Variants in COX10 observed in about 807,000 individuals in gnomAD.
COX10 encodes cytochrome c oxidase assembly factor heme A:farnesyltransferase COX10.
In COX10, 27 loss-of-function variants were observed where a neutral mutation model predicts 37.3. The observed-to-expected ratio is 0.72, with a 90% confidence interval of 0.53 to 1.00. COX10 has a LOEUF of 1.00. COX10 is among the 50% of genes least tolerant of loss of function. The pLI, the probability that COX10 is intolerant of heterozygous loss-of-function variation, is 0.00. For synonymous variants in COX10, 222 were observed against 229.1 expected, an observed-to-expected ratio of 0.97 and a Z score of 0.28; for missense variants, 475 against 563.2, an observed-to-expected ratio of 0.84 and a Z score of 1.59.
chr17:14,087,759 T>G (rs1237908327), intron 3 of COX10, among the ~76,000 whole-genome samples: 2 of 151,828 alleles, frequency 1.3e-5, no homozygotes, highest in African/African-American at 4.8e-5. Context: ...TGGTTTTTAG[T>G]GTCGTCTGCT....
chr17:14,094,550 T>C (rs1441965941), intron 3 of COX10, among the ~76,000 whole-genome samples: 1 of 143,092 alleles, frequency 7.0e-6, no homozygotes, highest in African/African-American at 2.5e-5. Flanking sequence ...TTTGCAAATG[T>C]AAGTTTTGTT....
At chr17:14,097,991 T>C (rs1915687967) in intron 3 of COX10, among the ~76,000 whole-genome samples, 1 of 152,178 alleles carries the variant, frequency 6.6e-6, no homozygotes, top group South Asian at 2.1e-4. Flanking sequence ...CTGTACATAC[T>C]CATTATAGAT....
intron 3 of COX10, among the ~76,000 whole-genome samples, chr17:14,088,637 G>A (rs1347033607): frequency 6.6e-6 from 1 of 151,924 alleles, no homozygotes; most frequent in Non-Finnish European, 1.5e-5. Context: ...GAACTTTAAA[G>A]AAGAAAAAAA....
chr17:14,163,116 A>G (rs1905201813), intron 5 of COX10, among the ~76,000 whole-genome samples: 1 of 152,180 alleles, frequency 6.6e-6, no homozygotes, highest in Non-Finnish European at 1.5e-5. Flanking sequence ...ATGACATGAA[A>G]TGGTGCTGCT....
intron 5 of COX10, among the ~76,000 whole-genome samples, chr17:14,166,989 A>G (rs1023766647): frequency 5.3e-5 from 8 of 151,902 alleles, no homozygotes; most frequent in African/African-American, 1.9e-4. Context: ...CCTCTGATGG[A>G]TCTGGGCAAA....
intron 4 of COX10, among the ~76,000 whole-genome samples, chr17:14,140,808 T>G (rs1298200156): frequency 6.6e-6 from 1 of 152,150 alleles, no homozygotes; most frequent in Non-Finnish European, 1.5e-5. Context: ...TGCAACGTTA[T>G]GTCTGATTTT....
intron 4 of COX10, among the ~76,000 whole-genome samples, chr17:14,108,700 A>G (rs1457351216): frequency 6.6e-6 from 1 of 152,178 alleles, no homozygotes; most frequent in East Asian, 1.9e-4. Context: ...CTTTGGATAA[A>G]GAGCTCTGAA....
chr17:14,069,674 C>G, intron 1 of COX10, 26 bp downstream of exon 1: 1 of 1,613,848 alleles, frequency 6.2e-7, no homozygotes. Flanking sequence ...TGGGCACGAC[C>G]TTGGGGGAAA....
chr17:14,115,147 T>C (rs1916081223), intron 4 of COX10, among the ~76,000 whole-genome samples: 3 of 152,036 alleles, frequency 2.0e-5, no homozygotes, highest in African/African-American at 4.8e-5. Flanking sequence ...AACTCAACAA[T>C]TAAAAGGGGC....
intron 3 of COX10, among the ~76,000 whole-genome samples, chr17:14,098,990 T>C (rs1915710460): frequency 6.6e-6 from 1 of 152,096 alleles, no homozygotes; most frequent in East Asian, 1.9e-4. Flanking sequence ...CTTTCTGGCC[T>C]AGACTCCCCA....
At chr17:14,154,372 T>C (rs1347467733) in intron 4 of COX10, among the ~76,000 whole-genome samples, 1 of 152,216 alleles carries the variant, frequency 6.6e-6, no homozygotes, top group Non-Finnish European at 1.5e-5. Context: ...AGAGTGACAT[T>C]GCTATGTTGT....
chr17:14,132,434 A>G (rs115262563), intron 4 of COX10, among the ~76,000 whole-genome samples: 1,717 of 152,024 alleles, frequency 0.011, 25 homozygotes, highest in African/African-American at 0.039. Flanking sequence ...TGTATTACTA[A>G]ATATTTCTTC....
chr17:14,161,084 G>T lies in COX10; in HGVS notation c.695+1137G>T, dbSNP rs1171187667. 2.0e-5 allele frequency among the ~76,000 whole-genome samples: 3 copies of T among 152,172 alleles called. No homozygotes were observed. In the East Asian group the frequency reaches 5.8e-4, roughly 29 times the overall value. On this transcript the variant is annotated intron_variant, in intron 5 of 6. Coordinates refer to ENST00000261643, the MANE Select transcript of COX10 (RefSeq NM_001303.4). ...CCAGGGAATTGTAGGAATAGGCCCA[G>T]CAAGTAGTCTTTAAGCATAATCAGA... is the stretch of plus-strand genomic sequence containing the variant.
chr17:14,189,436 G>C (rs1352761457), intron 5 of COX10, among the ~76,000 whole-genome samples: 1 of 152,114 alleles, frequency 6.6e-6, no homozygotes, highest in Non-Finnish European at 1.5e-5. Context: ...TGCTGATTTG[G>C]GGGGGACATT....
At chr17:14,146,787 C>A (rs982964795) in intron 4 of COX10, among the ~76,000 whole-genome samples, 8 of 152,076 alleles carry the variant, frequency 5.3e-5, no homozygotes, top group Non-Finnish European at 1.0e-4. Flanking sequence ...TCAAACAACT[C>A]TCTATAGGAA....
chr17:14,123,193 T>C (rs938297116), intron 4 of COX10, among the ~76,000 whole-genome samples: 1 of 152,220 alleles, frequency 6.6e-6, no homozygotes, highest in Non-Finnish European at 1.5e-5. Context: ...TAAAATGCCT[T>C]ACCTCAGTAC....
chr17:14,075,108 A>T (rs1299903593), intron 2 of COX10, among the ~76,000 whole-genome samples: 3 of 152,196 alleles, frequency 2.0e-5, no homozygotes, highest in Non-Finnish European at 4.4e-5. Context: ...AGAACGGCAG[A>T]CTTATAATTT....
At chr17:14,153,329 T>G (rs1904956323) in intron 4 of COX10, among the ~76,000 whole-genome samples, 1 of 152,260 alleles carries the variant, frequency 6.6e-6, no homozygotes, top group Non-Finnish European at 1.5e-5. Flanking sequence ...TTCATTTCTC[T>G]TCAAGCTCCT....
At chr17:14,133,274 G>A (rs1916506194) in intron 4 of COX10, among the ~76,000 whole-genome samples, 1 of 151,546 alleles carries the variant, frequency 6.6e-6, no homozygotes, top group Admixed American at 6.6e-5. Context: ...GTTTTCATGA[G>A]TCATACAATA....
Sources: allele counts gnomAD v4.1 joint callset (sites outside exome capture counted in the v4.1 genomes callset), GRCh38; gene constraint gnomAD v4.1.1; transcripts MANE v1.5; gene names NCBI Gene and HGNC (gene_info 2026-07-23, HGNC 2026-07-21).